Variants in SNRPB2 observed in about 807,000 individuals in gnomAD.
SNRPB2 encodes U2 small nuclear ribonucleoprotein B''.
SNRPB2 carries 16 observed loss-of-function variants against 26.3 expected under a neutral mutation model. The ratio of observed to expected loss-of-function variants is 0.61; its 90% CI spans 0.41 to 0.92. The LOEUF (loss-of-function observed/expected upper bound fraction) is 0.92. Ranked by LOEUF, SNRPB2 falls within the 40% of genes least tolerant of loss-of-function variation. The pLI, the probability that SNRPB2 is intolerant of heterozygous loss-of-function variation, is 0.00. For synonymous variants in SNRPB2, 75 were observed against 89.0 expected (o/e 0.84, Z 0.88); for missense variants, 179 against 268.1 (o/e 0.67, Z 2.32).
intron 5 of SNRPB2, among the ~76,000 whole-genome samples, chr20:16,739,628 A>G (rs942594315): frequency 2.0e-5 from 3 of 152,112 alleles, no homozygotes; most frequent in African/African-American, 7.2e-5. Flanking sequence ...TAATCCTCTA[A>G]GCCTTGAGTT....
rs527692957 is a variant in SNRPB2 at position 16,737,356 on chromosome 20, A to G, written c.333A>G (p.Lys111=). 2 of 1,605,138 alleles carry G rather than the reference A, an allele frequency of 1.2e-6. No individual in the cohort carries two copies. Among genetic ancestry groups the G allele is most frequent in the South Asian group, 2.3e-5 (2 of 88,006 alleles). Residue 111 remains lysine (K), a synonymous_variant, in exon 4 of 7, where the codon AAA becomes AAG. Transcript: ENST00000246071. ...AGAAAAAAGAAAAGAAAAAAGCCAA[A>G]ACTGTGGAACAGACTGCAACAACCA... ...KEKKKEKKKA[K]TVEQTATTTN... is the part of the protein sequence containing the mutation.
chr20:16,730,883 C>G (rs879366396), intron 1 of SNRPB2: 11 of 152,206 alleles, frequency 7.2e-5, no homozygotes, highest in Non-Finnish European at 1.6e-4. Context: ...GCTGTGTGAC[C>G]TTAGGCAAGT....
At chr20:16,732,899 TTG>T (rs573042999) in intron 3 of SNRPB2, among the ~76,000 whole-genome samples, 22 of 152,244 alleles carry the variant, frequency 1.4e-4, no homozygotes, top group Non-Finnish European at 2.9e-4. Context: ...GAAGGTCGCA[TTG>T]TGGGAGGGAC....
chr20:16,739,891 T>G (rs1247294000), intron 5 of SNRPB2, among the ~76,000 whole-genome samples: 2 of 147,062 alleles, frequency 1.4e-5, no homozygotes, highest in African/African-American at 2.5e-5. Flanking sequence ...TCGGTGGTAA[T>G]CTTTCTAGTT....
intron 3 of SNRPB2, among the ~76,000 whole-genome samples, chr20:16,732,859 CA>C (rs1437380022): frequency 2.6e-5 from 4 of 152,168 alleles, no homozygotes; most frequent in Non-Finnish European, 5.9e-5. Context: ...TCAGGAATGA[CA>C]TAATGAGATT....
At chr20:16,740,468 G>T in intron 6 of SNRPB2, 55 bp downstream of exon 6, 1 of 1,597,122 alleles carries the variant, frequency 6.3e-7, no homozygotes. Context: ...AGGACAAGTA[G>T]TACTTCCGTG....
intron 3 of SNRPB2, among the ~76,000 whole-genome samples, chr20:16,733,282 A>T (rs1197884229): frequency 6.6e-6 from 1 of 152,214 alleles, no homozygotes; most frequent in East Asian, 1.9e-4. Context: ...TGTAAGCCAT[A>T]TATGGTTTCT....
intron 3 of SNRPB2, among the ~76,000 whole-genome samples, chr20:16,732,993 G>T (rs1050006672): frequency 6.6e-6 from 1 of 152,222 alleles, no homozygotes; most frequent in Admixed American, 6.5e-5. Context: ...TGACCACAGA[G>T]TGTGAAGCAA....
intron 1 of SNRPB2, among the ~76,000 whole-genome samples, chr20:16,731,409 G>A (rs1013082008): frequency 3.3e-5 from 5 of 152,200 alleles, no homozygotes; most frequent in Non-Finnish European, 7.3e-5. Context: ...TGAAACGTAA[G>A]TGTAAAAATA....
Position 16,741,609 on chromosome 20 carries a change from A to G in SNRPB2, c.*604A>G, listed in dbSNP as rs925705908. 6.6e-6 allele frequency: 1 copy of G among 152,212 alleles called. No individual in the cohort carries two copies. The highest frequency in any genetic ancestry group is 1.5e-5 in the Non-Finnish European group (1 of 68,030). The allele number at this position is 152,212 out of a possible 1,614,324, so 9.4% of individuals were successfully genotyped here. On this transcript the variant is annotated 3_prime_UTR_variant, in exon 7 of 7. Coordinates refer to ENST00000246071, the MANE Select transcript of SNRPB2 (RefSeq NM_003092.5). ...ACTGAGAAAACAGAAAGGGAATGCT[A>G]TCTTCACACTTTGCATTTAATGCTG... is the stretch of plus-strand genomic sequence containing the variant.
chr20:16,732,417 CTG>C (rs1401312180), intron 3 of SNRPB2, 81 bp downstream of exon 3: 15 of 750,500 alleles, frequency 2.0e-5, no homozygotes, highest in Non-Finnish European at 3.0e-5. Flanking sequence ...ATGCTTGAAA[CTG>C]TGGCTATTGC....
At chr20:16,737,699 A>T (rs1037714067) in intron 4 of SNRPB2, among the ~76,000 whole-genome samples, 2 of 152,162 alleles carry the variant, frequency 1.3e-5, no homozygotes, top group African/African-American at 4.8e-5. Flanking sequence ...GCTGCCTATA[A>T]ATAATACTGT....
chr20:16,733,822 C>T (rs1289647148), intron 3 of SNRPB2, among the ~76,000 whole-genome samples: 1 of 152,150 alleles, frequency 6.6e-6, no homozygotes, highest in Non-Finnish European at 1.5e-5. Flanking sequence ...CTCCTTTTCC[C>T]ATCACTTCCC....
At position 16,740,326 on chromosome 20, in the gene SNRPB2, T is replaced by C. The variant is rs1375697919; in HGVS notation, c.431T>C (p.Val144Ala). Residue 144 changes from valine (V) to alanine (A), a missense_variant and splice_region_variant, in exon 6 of 7, where the codon GTC (valine) becomes GCC (alanine). Physicochemically the swap from Val to Ala is moderately conservative, Grantham distance 64 (BLOSUM62 0). Around this residue, in one of 2 missense-constraint regions of SNRPB2, gnomAD observed 145 missense variants for 180.7 expected, o/e 0.80. Transcript: ENST00000246071. ...CTTTGCCTTTTTACTTTTTAATAGG[T>C]CCCTGATTACCCTCCAAACTATATT... ...TQGNSTPNPQ[V>A]PDYPPNYILF... 6.2e-7 allele frequency: 1 copy of C among 1,610,294 alleles called. No individual in the cohort carries two copies. Among genetic ancestry groups the C allele is most frequent in the East Asian group, 2.2e-5 (1 of 44,790 alleles).
chr20:16,736,731 A>G (rs564622524), intron 3 of SNRPB2, among the ~76,000 whole-genome samples: 1 of 152,230 alleles, frequency 6.6e-6, no homozygotes, highest in South Asian at 2.1e-4. Flanking sequence ...GTAGGTTTGG[A>G]GAGGAAAGGG....
At chr20:16,731,835 C>A in intron 2 of SNRPB2, 69 bp downstream of exon 2, 1 of 1,598,022 alleles carries the variant, frequency 6.3e-7, no homozygotes, top group Non-Finnish European at 8.5e-7. Context: ...AAAAATTGTA[C>A]TGCCTCAAAA....
rs555073191 is a variant in SNRPB2 at position 16,742,499 on chromosome 20, T to G, written c.*1494T>G. 1 of 152,164 alleles carries G rather than the reference T, an allele frequency of 6.6e-6. No homozygotes were observed. Among genetic ancestry groups the G allele is most frequent in the South Asian group, 2.1e-4 (1 of 4,812 alleles). 9.4% of individuals were successfully genotyped at this position (152,164 alleles called of 1,614,324 possible). On this transcript the variant is annotated 3_prime_UTR_variant, in exon 7 of 7. Transcript: ENST00000246071. ...ACTCTGAGTGAAATGGGGGACTATTTTAGAGAATTTTTTTAAAGTGGGTTA... is the reference window on the plus strand; with the variant it reads ...ACTCTGAGTGAAATGGGGGACTATTGTAGAGAATTTTTTTAAAGTGGGTTA...
At position 16,737,655 on chromosome 20, in the gene SNRPB2, ATGTTAATACCTT is replaced by A. The variant is rs561249823; in HGVS notation, c.378+256_378+267del. On this transcript the variant is annotated intron_variant, in intron 4 of 6. Transcript: ENST00000246071. ...ATTTAATTCGATCATTGTTTAAAAT[ATGTTAATACCTT>A]TTGGTTTATTTCTCAAGTTTTGCTG... 7.4e-4 allele frequency among the ~76,000 whole-genome samples: 112 copies of A among 152,350 alleles called. 1 individual carries two copies. Among genetic ancestry groups the A allele is most frequent in the African/African-American group, 2.6e-3 (109 of 41,592 alleles).
At position 16,730,030 on chromosome 20, in the gene SNRPB2, C is replaced by T. The variant is rs974960761; in HGVS notation, c.-170C>T. 1 of 152,480 alleles carries T rather than the reference C, an allele frequency of 6.6e-6. No individual in the cohort carries two copies. The highest frequency in any genetic ancestry group is 1.5e-5 in the Non-Finnish European group (1 of 68,266). The allele number at this position is 152,480 out of a possible 1,614,324, so 9.4% of individuals were successfully genotyped here. ...TTCCGGTGCCTGGCTCCGTTTCCTGCTTTTGGTTCTTACAGTAGTCGGCGT... is the reference window on the plus strand; with the variant it reads ...TTCCGGTGCCTGGCTCCGTTTCCTGTTTTTGGTTCTTACAGTAGTCGGCGT... On this transcript the variant is annotated 5_prime_UTR_variant, in exon 1 of 7. Transcript: ENST00000246071.
Sources: gnomAD v4.1 joint callset for allele counts (sites outside exome capture counted in the v4.1 genomes callset) on GRCh38, gnomAD v4.1.1 for gene constraint, gnomAD v4.1.1 regional missense constraint, MANE v1.5 for transcripts, NCBI Gene and HGNC (gene_info 2026-07-23, HGNC 2026-07-21) for gene names.